The following RAI14 variants were observed in gnomAD, a reference collection of about 807,000 sequenced individuals.
RAI14 encodes ankycorbin.
RAI14 carries 45 observed loss-of-function variants against 115.4 expected under a neutral mutation model. The ratio of observed to expected loss-of-function variants is 0.39; its 90% confidence interval spans 0.31 to 0.50. The LOEUF (loss-of-function observed/expected upper bound fraction) is 0.50. Among genes scored for constraint, RAI14 ranks in the 20% least tolerant of loss-of-function variants. The pLI is 0.85. For synonymous variants in RAI14, 371 were observed against 415.4 expected, an observed-to-expected ratio of 0.89 and a Z score of 1.30; for missense variants, 939 against 1,131.2, an observed-to-expected ratio of 0.83 and a Z score of 2.44.
intron 4 of RAI14, among the ~76,000 whole-genome samples, chr5:34,803,064 GAC>G (rs1754462346): frequency 6.6e-6 from 1 of 152,154 alleles, no homozygotes; most frequent in Admixed American, 6.5e-5. Context: ...GGCTCTTATA[GAC>G]ACAGGATGTT....
intron 2 of RAI14, among the ~76,000 whole-genome samples, chr5:34,750,504 G>A (rs1173434935): frequency 1.3e-5 from 2 of 152,134 alleles, no homozygotes; most frequent in Non-Finnish European, 2.9e-5. Flanking sequence ...AACAGCAAGT[G>A]AGACTGAACC....
intron 3 of RAI14, among the ~76,000 whole-genome samples, chr5:34,761,142 A>C (rs1748599455): frequency 6.6e-6 from 1 of 152,308 alleles, no homozygotes; most frequent in African/African-American, 2.4e-5. Context: ...TTTTGCAGAT[A>C]ATAAAACTAA....
At chr5:34,782,519 G>A (rs1751789584) in intron 3 of RAI14, among the ~76,000 whole-genome samples, 3 of 152,156 alleles carry the variant, frequency 2.0e-5, no homozygotes, top group Admixed American at 6.5e-5. Flanking sequence ...AGGTGTGCCT[G>A]GGATGCTTTA....
At chr5:34,730,288 A>T (rs529808123) in intron 2 of RAI14, among the ~76,000 whole-genome samples, 1 of 152,338 alleles carries the variant, frequency 6.6e-6, no homozygotes, top group South Asian at 2.1e-4. Context: ...TGTCCTGTGT[A>T]TCACTTTCCT....
chr5:34,692,074 C>T (rs1446715380), intron 2 of RAI14, among the ~76,000 whole-genome samples: 1 of 152,088 alleles, frequency 6.6e-6, no homozygotes, highest in East Asian at 1.9e-4. Context: ...ACCAGCCTGG[C>T]CAACATGGCA....
chr5:34,776,070 A>G (rs1750798644), intron 3 of RAI14, among the ~76,000 whole-genome samples: 1 of 152,352 alleles, frequency 6.6e-6, no homozygotes, highest in East Asian at 1.9e-4. Flanking sequence ...CATATACACA[A>G]TGGAGTACTG....
At chr5:34,793,951 A>G (rs186435218) in intron 3 of RAI14, among the ~76,000 whole-genome samples, 65 of 152,342 alleles carry the variant, frequency 4.3e-4, no homozygotes, top group African/African-American at 1.5e-3. Context: ...TGTTACATGC[A>G]CTATTACTAA....
intron 2 of RAI14, among the ~76,000 whole-genome samples, chr5:34,725,424 C>A (rs78939763): frequency 6.6e-6 from 1 of 151,836 alleles, no homozygotes; most frequent in Non-Finnish European, 1.5e-5. Flanking sequence ...GAAGAAGTCA[C>A]AAAGTACACT....
intron 1 of RAI14, chr5:34,656,794 G>T: frequency 6.5e-6 from 1 of 153,344 alleles, no homozygotes; most frequent in South Asian, 1.9e-4. Flanking sequence ...CGGGGCGCGG[G>T]GCAGGGGCCG....
At chr5:34,799,340 T>G (rs950079819) in intron 4 of RAI14, among the ~76,000 whole-genome samples, 11 of 152,176 alleles carry the variant, frequency 7.2e-5, no homozygotes, top group Non-Finnish European at 1.0e-4. Context: ...TTACAGGTAT[T>G]GTCTTTCCAT....
At chr5:34,732,916 T>C (rs2150026862) in intron 2 of RAI14, among the ~76,000 whole-genome samples, 1 of 152,094 alleles carries the variant, frequency 6.6e-6, no homozygotes, top group East Asian at 1.9e-4. Context: ...CAAGGCAAAC[T>C]ATTCCTGACT....
intron 3 of RAI14, among the ~76,000 whole-genome samples, chr5:34,779,330 T>C (rs978027639): frequency 2.0e-5 from 3 of 152,160 alleles, no homozygotes; most frequent in Non-Finnish European, 4.4e-5. Flanking sequence ...GGATGCCCTC[T>C]CTCACCACTC....
chr5:34,830,173 G>A (rs942927214), intron 17 of RAI14, among the ~76,000 whole-genome samples: 1 of 152,072 alleles, frequency 6.6e-6, no homozygotes, highest in African/African-American at 2.4e-5. Context: ...TTGTAGAGAT[G>A]GGGCTTTGCC....
At chr5:34,741,148 A>G (rs1404341291) in intron 2 of RAI14, among the ~76,000 whole-genome samples, 1 of 152,238 alleles carries the variant, frequency 6.6e-6, no homozygotes, top group Non-Finnish European at 1.5e-5. Flanking sequence ...TTTTAATGGA[A>G]CAATTCATTC....
chr5:34,734,579 A>AT, intron 2 of RAI14, among the ~76,000 whole-genome samples: 1 of 152,224 alleles, frequency 6.6e-6, no homozygotes, highest in East Asian at 1.9e-4. Context: ...GATCTCAAAG[A>AT]TTAAAAAAAT....
chr5:34,812,898 T>C (rs1382119568), intron 10 of RAI14, among the ~76,000 whole-genome samples: 2 of 152,374 alleles, frequency 1.3e-5, no homozygotes, highest in South Asian at 2.1e-4. Context: ...AGCTATTTAA[T>C]GAAAATAAGA....
chr5:34,685,823 A>G (rs1744806120), intron 1 of RAI14: 1 of 152,220 alleles, frequency 6.6e-6, no homozygotes, highest in South Asian at 2.1e-4. Flanking sequence ...ATGTAAATGT[A>G]TACTTGCTAA....
intron 3 of RAI14, among the ~76,000 whole-genome samples, chr5:34,793,700 C>T (rs1009816605): frequency 6.6e-6 from 1 of 151,952 alleles, no homozygotes; most frequent in Non-Finnish European, 1.5e-5. Context: ...GTAGACACTT[C>T]CTGGTATGGT....
chr5:34,797,790 A>G (rs568949962), intron 4 of RAI14, among the ~76,000 whole-genome samples: 1 of 152,256 alleles, frequency 6.6e-6, no homozygotes, highest in East Asian at 1.9e-4. Context: ...GTGCAGTATG[A>G]TTTGCTAAAA....
Sources: allele counts gnomAD v4.1 joint callset (sites outside exome capture counted in the v4.1 genomes callset), GRCh38; gene constraint gnomAD v4.1.1; transcripts MANE v1.5; gene names NCBI Gene and HGNC (gene_info 2026-07-23, HGNC 2026-07-21).